Variants in RBFOX1 observed in about 807,000 individuals in gnomAD.
RBFOX1 encodes RNA binding fox-1 homolog 1.
RBFOX1 carries 8 observed loss-of-function variants against 57.7 expected under a neutral mutation model. That is an observed-to-expected ratio of 0.14 (90% CI 0.08 to 0.25). The LOEUF (loss-of-function observed/expected upper bound fraction) is 0.25, where lower values mean the gene tolerates loss of function less well. Ranked by LOEUF, RBFOX1 falls within the 10% of genes least tolerant of loss-of-function variation. The pLI, the probability that RBFOX1 is intolerant of heterozygous loss-of-function variation, is 1.00. For synonymous variants in RBFOX1, 326 were observed against 222.4 expected, an observed-to-expected ratio of 1.47 and a Z score of -4.15; for missense variants, 611 against 548.5, an observed-to-expected ratio of 1.11 and a Z score of -1.14.
chr16:6,779,000 T>C lies in RBFOX1; in HGVS notation c.-16+124350T>C, dbSNP rs574071121. On this transcript the variant is annotated intron_variant, in intron 3 of 15. Coordinates refer to ENST00000550418, the MANE Select transcript of RBFOX1 (RefSeq NM_018723.4). ...GCCTAACTTTAAATATTTATCATTT[T>C]GTTGTTTTGCAAACATTCCAAAACT... Among the ~76,000 whole-genome samples, 5 of 152,190 alleles carry C rather than the reference T, an allele frequency of 3.3e-5. No individual in the cohort carries two copies. The East Asian group carries it at 9.6e-4, about 29-fold the overall frequency.
At chr16:7,458,650 C>T (rs181498298) in intron 4 of RBFOX1, among the ~76,000 whole-genome samples, 13 of 152,236 alleles carry the variant, frequency 8.5e-5, no homozygotes, top group Admixed American at 6.5e-4. Flanking sequence ...GTCTTTTTGA[C>T]CACTATGTCT....
At chr16:6,179,985 T>C (rs182890686) in intron 1 of RBFOX1, among the ~76,000 whole-genome samples, 27 of 152,326 alleles carry the variant, frequency 1.8e-4, no homozygotes, top group Admixed American at 1.7e-3. Context: ...GAGATGATCA[T>C]ATGGTGTATG....
chr16:5,564,345 C>T (rs550960006), intron 2 of RBFOX1, among the ~76,000 whole-genome samples: 1 of 152,252 alleles, frequency 6.6e-6, no homozygotes, highest in African/African-American at 2.4e-5. Flanking sequence ...ACTCTTCTGT[C>T]ATTTTCTTTC....
At chr16:5,929,257 C>T (rs1392692876) in intron 4 of RBFOX1, among the ~76,000 whole-genome samples, 1 of 152,144 alleles carries the variant, frequency 6.6e-6, no homozygotes, top group African/African-American at 2.4e-5. Flanking sequence ...AGGTTGAATG[C>T]ACAGGTCTCA....
chr16:7,068,390 G>A (rs1388976338), intron 4 of RBFOX1, among the ~76,000 whole-genome samples: 1 of 152,132 alleles, frequency 6.6e-6, no homozygotes, highest in Admixed American at 6.5e-5. Flanking sequence ...TCAGAGACCA[G>A]AGCATTCAGA....
intron 2 of RBFOX1, among the ~76,000 whole-genome samples, chr16:6,630,643 C>G (rs1451864826): frequency 6.6e-6 from 1 of 152,174 alleles, no homozygotes; most frequent in African/African-American, 2.4e-5. Flanking sequence ...GGGCCCAGAA[C>G]TAGCTGATTG....
At chr16:6,392,713 C>T (rs1307363946) in intron 2 of RBFOX1, among the ~76,000 whole-genome samples, 1 of 152,180 alleles carries the variant, frequency 6.6e-6, no homozygotes, top group Non-Finnish European at 1.5e-5. Flanking sequence ...GGGGGCACTC[C>T]AGATTGGGAC....
chr16:6,433,821 C>G (rs765937382), intron 2 of RBFOX1, among the ~76,000 whole-genome samples: 4 of 150,760 alleles, frequency 2.7e-5, no homozygotes, highest in Non-Finnish European at 5.9e-5. Flanking sequence ...TCCTTTTCCT[C>G]TAGCTCCAAC....
intron 3 of RBFOX1, among the ~76,000 whole-genome samples, chr16:5,859,531 C>A (rs1399218539): frequency 6.6e-6 from 1 of 152,182 alleles, no homozygotes; most frequent in African/African-American, 2.4e-5. Context: ...ATTCTACCAG[C>A]TGGAGATCAA....
intron 4 of RBFOX1, among the ~76,000 whole-genome samples, chr16:5,924,860 T>C (rs563582578): frequency 6.6e-5 from 10 of 152,282 alleles, no homozygotes; most frequent in Admixed American, 3.3e-4. Context: ...GGCCCAGGGA[T>C]TGGGGAGTAA....
intron 4 of RBFOX1, among the ~76,000 whole-genome samples, chr16:7,386,198 C>T (rs920846863): frequency 3.3e-5 from 5 of 152,140 alleles, no homozygotes; most frequent in African/African-American, 1.2e-4. Context: ...GTATCTGCAT[C>T]CCCCAAGTTC....
At chr16:6,998,210 C>G (rs1044899844) in intron 3 of RBFOX1, among the ~76,000 whole-genome samples, 8 of 152,060 alleles carry the variant, frequency 5.3e-5, no homozygotes, top group Middle Eastern at 3.2e-3. Context: ...AGTGATTTAG[C>G]TATGAAGCAT....
At chr16:6,942,031 G>A (rs1447299120) in intron 3 of RBFOX1, among the ~76,000 whole-genome samples, 2 of 152,070 alleles carry the variant, frequency 1.3e-5, no homozygotes, top group African/African-American at 4.8e-5. Flanking sequence ...GAGTTTGAGA[G>A]CAGCCTGGCC....
At chr16:7,364,889 C>T (rs1017967940) in intron 4 of RBFOX1, among the ~76,000 whole-genome samples, 4 of 152,184 alleles carry the variant, frequency 2.6e-5, no homozygotes, top group African/African-American at 7.2e-5. Context: ...TATCAAGATG[C>T]TGTTAGGAAG....
intron 3 of RBFOX1, among the ~76,000 whole-genome samples, chr16:6,686,642 C>G (rs1218348232): frequency 6.6e-6 from 1 of 152,132 alleles, no homozygotes; most frequent in Non-Finnish European, 1.5e-5. Context: ...ACAGGTATCT[C>G]TCCTTGTCCT....
chr16:6,982,898 C>G (rs1470593527), intron 3 of RBFOX1, among the ~76,000 whole-genome samples: 1 of 142,966 alleles, frequency 7.0e-6, no homozygotes, highest in Non-Finnish European at 1.5e-5. Context: ...GAGGCTGAGG[C>G]AGGGAGAACA....
intron 2 of RBFOX1, among the ~76,000 whole-genome samples, chr16:5,478,780 G>A (rs967408762): frequency 6.6e-6 from 1 of 152,116 alleles, no homozygotes; most frequent in African/African-American, 2.4e-5. Flanking sequence ...GGGAGCCATA[G>A]TATGTTACAG....
chr16:6,308,293 T>C (rs1048583119), intron 1 of RBFOX1, among the ~76,000 whole-genome samples: 4 of 152,236 alleles, frequency 2.6e-5, no homozygotes, highest in Non-Finnish European at 4.4e-5. Flanking sequence ...TGATTATTAT[T>C]TGCTTATTCC....
chr16:5,403,364 A>C (rs542743476), intron 1 of RBFOX1, among the ~76,000 whole-genome samples: 110 of 151,328 alleles, frequency 7.3e-4, no homozygotes, highest in South Asian at 7.1e-3. Context: ...AAAAAAAAAA[A>C]AAACAAAAAA....
Sources: allele counts gnomAD v4.1 joint callset (sites outside exome capture counted in the v4.1 genomes callset), GRCh38; gene constraint gnomAD v4.1.1; transcripts MANE v1.5; gene names NCBI Gene and HGNC (gene_info 2026-07-23, HGNC 2026-07-21).